The following OPCML variants were observed in gnomAD, a reference collection of about 807,000 sequenced individuals.
The protein encoded by OPCML is opioid-binding protein/cell adhesion molecule.
A neutral mutation model predicts 37.8 loss-of-function variants in OPCML; 13 were observed. The observed-to-expected ratio is 0.34, with a 90% confidence interval of 0.22 to 0.55. OPCML has a LOEUF of 0.55. OPCML is among the 20% of genes least tolerant of loss of function. OPCML has a pLI of 0.91. For synonymous variants in OPCML, 176 were observed against 168.8 expected (o/e 1.04, Z -0.33); for missense variants, 341 against 435.6 (o/e 0.78, Z 1.93).
rs141154816 is a variant in OPCML, at chr11:133,332,189, G to A, written c.61+200075C>T. Among the ~76,000 whole-genome samples, 892 of 152,200 alleles carry A rather than the reference G, an allele frequency of 5.9e-3. 13 individuals carry two copies. Among genetic ancestry groups the A allele is most frequent in the African/African-American group, 0.02 (841 of 41,526 alleles). On this transcript the variant is annotated intron_variant, in intron 1 of 7. Coordinates refer to ENST00000524381, the MANE Select transcript of OPCML (RefSeq NM_001012393.5). ...CTAGTTATTTTATTTTATGTGTGTG[G>A]CAATTGTGAATGAGATTGCCTTTCT...
intron 1 of OPCML, among the ~76,000 whole-genome samples, chr11:133,265,129 C>T (rs181324805): frequency 2.0e-5 from 3 of 152,216 alleles, no homozygotes; most frequent in South Asian, 4.1e-4. Context: ...GACCAGCTGC[C>T]AGAGAGGAGT....
intron 1 of OPCML, among the ~76,000 whole-genome samples, chr11:133,364,845 G>T (rs1944503564): frequency 6.6e-6 from 1 of 152,146 alleles, no homozygotes; most frequent in Non-Finnish European, 1.5e-5. Flanking sequence ...CAGAGAGCTT[G>T]TGGGGGGTGT....
chr11:132,657,252 T>C lies in OPCML; in HGVS notation c.214A>G (p.Asn72Asp). The C allele has an allele frequency of 1.2e-5, 19 of 1,614,200 alleles. No individual in the cohort carries two copies. The highest frequency in any genetic ancestry group is 1.6e-5 in the Non-Finnish European group (19 of 1,180,032). Residue 72 changes from asparagine to aspartate, a missense_variant, in exon 3 of 8, where the codon AAT (asparagine) becomes GAT (aspartate). By Grantham distance (23) the Asn-to-Asp change is conservative. Coordinates refer to ENST00000524381, the MANE Select transcript of OPCML (RefSeq NM_001012393.5). ...CGAGGGTCTATGGACCACTTGTCAT[T>C]CCCAGCGTAGAGGATGGTGCTGCGG... Reference protein sequence around the residue: ...LNRSTILYAGNDKWSIDPRVI... With the variant: ...LNRSTILYAGDDKWSIDPRVI...
intron 2 of OPCML, among the ~76,000 whole-genome samples, chr11:132,820,039 T>A (rs901223315): frequency 6.6e-6 from 1 of 151,952 alleles, no homozygotes; most frequent in African/African-American, 2.4e-5. Flanking sequence ...GGGTCTTACA[T>A]ATAGCCTTAA....
intron 1 of OPCML, among the ~76,000 whole-genome samples, chr11:133,233,206 G>T (rs1940353283): frequency 6.6e-6 from 1 of 152,198 alleles, no homozygotes; most frequent in Admixed American, 6.5e-5. Flanking sequence ...CTGGGGAGAA[G>T]ATGCAACTGC....
intron 2 of OPCML, among the ~76,000 whole-genome samples, chr11:132,907,786 C>CA (rs1944295674): frequency 6.7e-6 from 1 of 149,446 alleles, no homozygotes; most frequent in Non-Finnish European, 1.5e-5. Flanking sequence ...GCTCACTGCA[C>CA]GTTGCTCTGT....
intron 1 of OPCML, among the ~76,000 whole-genome samples, chr11:133,507,434 T>G (rs1309059884): frequency 6.6e-6 from 1 of 152,004 alleles, no homozygotes; most frequent in East Asian, 1.9e-4. Flanking sequence ...TCTTCTTTTG[T>G]AGAGAGGAAA....
intron 2 of OPCML, among the ~76,000 whole-genome samples, chr11:132,733,853 A>C (rs753071901): frequency 1.4e-4 from 21 of 152,180 alleles, no homozygotes; most frequent in Non-Finnish European, 1.5e-4. Flanking sequence ...GGAATCTCTA[A>C]AGTTGAAGGC....
At chr11:133,150,655 A>T (rs1949966414) in intron 1 of OPCML, among the ~76,000 whole-genome samples, 1 of 152,118 alleles carries the variant, frequency 6.6e-6, no homozygotes, top group South Asian at 2.1e-4. Flanking sequence ...ACTCCACCCC[A>T]GCACCCACTG....
chr11:133,244,595 A>G (rs964009798), intron 1 of OPCML, among the ~76,000 whole-genome samples: 17 of 152,116 alleles, frequency 1.1e-4, no homozygotes, highest in African/African-American at 3.9e-4. Flanking sequence ...TGGGAGGGGA[A>G]TGGATCACAG....
At chr11:132,953,534 G>A (rs1275610439) in intron 1 of OPCML, among the ~76,000 whole-genome samples, 1 of 151,942 alleles carries the variant, frequency 6.6e-6, no homozygotes, top group Admixed American at 6.6e-5. Context: ...ACCTCATATA[G>A]TTCTATAAAT....
intron 3 of OPCML, among the ~76,000 whole-genome samples, chr11:132,594,724 C>G (rs1380674547): frequency 1.3e-5 from 2 of 152,078 alleles, no homozygotes; most frequent in Non-Finnish European, 2.9e-5. Flanking sequence ...GATTATATCA[C>G]CATGTCCAAA....
At chr11:133,193,814 G>C (rs1186864781) in intron 1 of OPCML, among the ~76,000 whole-genome samples, 3 of 152,112 alleles carry the variant, frequency 2.0e-5, no homozygotes, top group Non-Finnish European at 4.4e-5. Context: ...AAGTCCTTGA[G>C]GGGAGATAAT....
At chr11:132,640,817 C>G (rs1940810187) in intron 3 of OPCML, among the ~76,000 whole-genome samples, 2 of 152,120 alleles carry the variant, frequency 1.3e-5, no homozygotes. Context: ...CTGAACCAAG[C>G]AGGCAGAAGT....
chr11:132,604,322 T>C (rs1018119130), intron 3 of OPCML, among the ~76,000 whole-genome samples: 4 of 151,996 alleles, frequency 2.6e-5, no homozygotes, highest in Admixed American at 6.6e-5. Flanking sequence ...CTTGCTTCTG[T>C]TTTCCTCTAA....
intron 1 of OPCML, among the ~76,000 whole-genome samples, chr11:132,974,364 C>T (rs771382416): frequency 4.3e-4 from 66 of 152,166 alleles, no homozygotes; most frequent in Non-Finnish European, 7.8e-4. Context: ...GCCTTTAACT[C>T]GCCACTCTAC....
chr11:133,406,970 G>T (rs906663533), intron 1 of OPCML, among the ~76,000 whole-genome samples: 6 of 152,192 alleles, frequency 3.9e-5, no homozygotes, highest in Admixed American at 6.5e-5. Context: ...TGGAAAGTCT[G>T]GTTTTCCAGC....
chr11:133,201,082 G>A (rs924578336), intron 1 of OPCML, among the ~76,000 whole-genome samples: 4 of 152,112 alleles, frequency 2.6e-5, no homozygotes, highest in African/African-American at 9.7e-5. Flanking sequence ...TAAACATTGA[G>A]TACATATGTA....
At chr11:133,521,430 C>G (rs1470359706) in intron 1 of OPCML, among the ~76,000 whole-genome samples, 2 of 152,188 alleles carry the variant, frequency 1.3e-5, no homozygotes, top group Admixed American at 6.5e-5. Context: ...AAGAAACAGT[C>G]ATCTGGGCCA....
Sources: allele counts gnomAD v4.1 joint callset (sites outside exome capture counted in the v4.1 genomes callset), GRCh38; gene constraint gnomAD v4.1.1; transcripts MANE v1.5; gene names NCBI Gene and HGNC (gene_info 2026-07-23, HGNC 2026-07-21).